RUNDC3B: variants seen among roughly 807,000 people sequenced by gnomAD.
RUNDC3B encodes the protein RUN domain containing 3B, also known as RUN domain-containing protein 3B.
RUNDC3B carries 33 observed loss-of-function variants against 58.4 expected under a neutral mutation model. That is an observed-to-expected ratio of 0.56 (90% confidence interval 0.43 to 0.75). The LOEUF (loss-of-function observed/expected upper bound fraction) is 0.75, where lower values mean the gene tolerates loss of function less well. RUNDC3B is among the 30% of genes least tolerant of loss of function. The probability of loss-of-function intolerance (pLI) is 0.00; values close to 1 mark genes in which losing one functional copy is unlikely to be tolerated. For synonymous variants in RUNDC3B, 193 were observed against 195.2 expected (o/e 0.99, Z 0.10); for missense variants, 501 against 535.7 (o/e 0.94, Z 0.64).
At chr7:87,816,010 C>A (rs1180807802) in intron 9 of RUNDC3B, 131 bp from the exon 10 acceptor site, 7 of 644,900 alleles carry the variant, frequency 1.1e-5, no homozygotes, top group Non-Finnish European at 1.9e-5. Flanking sequence ...GAATATGAAG[C>A]AAAATTTAGG....
chr7:87,701,311 CA>C (rs1274788317), intron 3 of RUNDC3B, among the ~76,000 whole-genome samples: 1 of 152,126 alleles, frequency 6.6e-6, no homozygotes, highest in African/African-American at 2.4e-5. Flanking sequence ...AAACAGCTGA[CA>C]GTATTTGTTG....
chr7:87,798,597 T>C (rs551447733), intron 8 of RUNDC3B, among the ~76,000 whole-genome samples: 1 of 152,330 alleles, frequency 6.6e-6, no homozygotes, highest in South Asian at 2.1e-4. Flanking sequence ...TCATCTTGTA[T>C]ATTTAGTGCC....
chr7:87,764,975 T>C (rs2130859993), intron 6 of RUNDC3B, among the ~76,000 whole-genome samples: 1 of 151,934 alleles, frequency 6.6e-6, no homozygotes, highest in Admixed American at 6.6e-5. Context: ...TACTGGTTCA[T>C]TTTAATTACT....
chr7:87,686,123 CT>C (rs1827430833), intron 2 of RUNDC3B, among the ~76,000 whole-genome samples: 2 of 152,104 alleles, frequency 1.3e-5, no homozygotes, highest in South Asian at 4.1e-4. Flanking sequence ...TGTATACTTT[CT>C]GCTTTTTTTG....
intron 1 of RUNDC3B, among the ~76,000 whole-genome samples, chr7:87,645,295 G>A (rs1358805235): frequency 1.3e-5 from 2 of 151,896 alleles, no homozygotes; most frequent in Non-Finnish European, 2.9e-5. Flanking sequence ...TGTTGGCCAG[G>A]CAGGTCTTGA....
At chr7:87,714,679 A>G (rs1293407104) in intron 4 of RUNDC3B, among the ~76,000 whole-genome samples, 1 of 152,130 alleles carries the variant, frequency 6.6e-6, no homozygotes, top group East Asian at 1.9e-4. Context: ...AATTCTCAGA[A>G]AGGAGTATGC....
At chr7:87,747,293 G>C (rs558672717) in intron 6 of RUNDC3B, among the ~76,000 whole-genome samples, 2 of 152,156 alleles carry the variant, frequency 1.3e-5, no homozygotes, top group East Asian at 1.9e-4. Context: ...GCTTCTACTG[G>C]GGGGGTGTGT....
chr7:87,771,624 T>C (rs924267965), intron 7 of RUNDC3B, among the ~76,000 whole-genome samples: 1 of 152,122 alleles, frequency 6.6e-6, no homozygotes, highest in Non-Finnish European at 1.5e-5. Flanking sequence ...ATCAGAAACA[T>C]ACACCTAACA....
chr7:87,658,615 A>C (rs1824367862), intron 2 of RUNDC3B, among the ~76,000 whole-genome samples: 1 of 152,208 alleles, frequency 6.6e-6, no homozygotes, highest in South Asian at 2.1e-4. Flanking sequence ...AAAGACAAAG[A>C]AAAAATGTTG....
At chr7:87,686,461 G>T (rs1827468027) in intron 2 of RUNDC3B, among the ~76,000 whole-genome samples, 1 of 152,128 alleles carries the variant, frequency 6.6e-6, no homozygotes, top group African/African-American at 2.4e-5. Context: ...GAAAATTACA[G>T]TTCTTTAAAA....
chr7:87,703,915 T>TTTTTTTTTTG (rs1829351477), intron 3 of RUNDC3B, among the ~76,000 whole-genome samples: 3 of 18,530 alleles, frequency 1.6e-4, no homozygotes, highest in South Asian at 4.3e-3. Context: ...TTTTTTTTGG[T>TTTTTTTTTTG]TTTTTTTTTT....
rs145942639 is a variant in RUNDC3B, at chr7:87,813,646, T to G, written c.1104-2495T>G. Among the ~76,000 whole-genome samples, 7 of 152,230 alleles carry G rather than the reference T, an allele frequency of 4.6e-5. No individual in the cohort carries two copies. In the East Asian group the frequency reaches 9.7e-4, roughly 21 times the overall value. On this transcript the variant is annotated intron_variant, in intron 9 of 10. Transcript: ENST00000394654. ...AAAGGAAATGTATTTATAACTACTT[T>G]TTAAATTCCTATGTTCTTGCTTTCC...
intron 1 of RUNDC3B, among the ~76,000 whole-genome samples, chr7:87,635,614 T>C (rs75974753): frequency 0.048 from 7,348 of 152,248 alleles, 263 homozygotes; most frequent in East Asian, 0.09. Context: ...ATTCTTTTAA[T>C]ATAAATTTTT....
intron 1 of RUNDC3B, among the ~76,000 whole-genome samples, chr7:87,643,417 A>G (rs559449135): frequency 7.0e-4 from 106 of 152,312 alleles, no homozygotes; most frequent in East Asian, 1.3e-3. Flanking sequence ...CCCTGCTTAA[A>G]GGATATGTGA....
At chr7:87,713,033 A>G (rs1267646424) in intron 4 of RUNDC3B, 1 of 152,254 alleles carries the variant, frequency 6.6e-6, no homozygotes, top group East Asian at 1.9e-4. Context: ...AATTTTTTTT[A>G]CTGAGATGAA....
At chr7:87,685,111 AG>A (rs1287627535) in intron 2 of RUNDC3B, among the ~76,000 whole-genome samples, 1 of 152,192 alleles carries the variant, frequency 6.6e-6, no homozygotes, top group African/African-American at 2.4e-5. Context: ...CAAAATTAAA[AG>A]CTTTTACTCC....
chr7:87,826,287 T>C (rs893085194), intron 10 of RUNDC3B, among the ~76,000 whole-genome samples: 2 of 152,030 alleles, frequency 1.3e-5, no homozygotes, highest in African/African-American at 4.8e-5. Context: ...TCTGATGGTT[T>C]TCAAAAGGGG....
intron 8 of RUNDC3B, among the ~76,000 whole-genome samples, chr7:87,790,067 T>G (rs1170094848): frequency 6.6e-6 from 1 of 152,166 alleles, no homozygotes; most frequent in Admixed American, 6.5e-5. Flanking sequence ...CAGCAGTGCT[T>G]GGGTGAGACC....
In RUNDC3B at chr7:87,708,449, G is replaced by A. The variant is rs1279251738; in HGVS notation, c.373-2121G>A. 3.3e-5 allele frequency among the ~76,000 whole-genome samples: 5 copies of A among 152,110 alleles called. No homozygotes were observed. The East Asian group carries it at 7.7e-4, about 23-fold the overall frequency. Reference sequence around the variant, plus strand: ...TACTCACCAAAACTAACACGAAAAGGATGGAAATATCTGGATATGTGATAT... The same window carrying A: ...TACTCACCAAAACTAACACGAAAAGAATGGAAATATCTGGATATGTGATAT... On this transcript the variant is annotated intron_variant, in intron 3 of 10. Coordinates refer to ENST00000394654, the MANE Select transcript of RUNDC3B (RefSeq NM_001134405.2).
Sources: gnomAD v4.1 joint callset for allele counts (sites outside exome capture counted in the v4.1 genomes callset) on GRCh38, gnomAD v4.1.1 for gene constraint, MANE v1.5 for transcripts, NCBI Gene and HGNC (gene_info 2026-07-23, HGNC 2026-07-21) for gene names.